Variants in GALM observed in about 807,000 individuals in gnomAD.
GALM encodes galactose mutarotase, also known as aldose 1-epimerase.
GALM carries 43 observed loss-of-function variants against 37.4 expected under a neutral mutation model. That is an observed-to-expected ratio of 1.15 (90% CI 0.90 to 1.48). The LOEUF (loss-of-function observed/expected upper bound fraction) is 1.48, where lower values mean the gene tolerates loss of function less well. Among genes scored for constraint, GALM ranks in the 40% most tolerant of loss-of-function variants. The probability of loss-of-function intolerance (pLI) is 0.00; values close to 1 mark genes in which losing one functional copy is unlikely to be tolerated. For synonymous variants in GALM, 199 were observed against 170.6 expected (o/e 1.17, Z -1.30); for missense variants, 456 against 419.1 (o/e 1.09, Z -0.77).
At chr2:38,724,462 T>C (rs775807915) in intron 4 of GALM, among the ~76,000 whole-genome samples, 1 of 152,168 alleles carries the variant, frequency 6.6e-6, no homozygotes. Flanking sequence ...GTGGTGGGCA[T>C]AGGGGACCCA....
intron 4 of GALM, among the ~76,000 whole-genome samples, chr2:38,693,794 T>C (rs1665737908): frequency 6.6e-6 from 1 of 152,088 alleles, no homozygotes; most frequent in Non-Finnish European, 1.5e-5. Context: ...AGTTAACAAG[T>C]TGGGGAAAGC....
At chr2:38,725,499 G>A (rs1022596835) in intron 4 of GALM, among the ~76,000 whole-genome samples, 2 of 151,530 alleles carry the variant, frequency 1.3e-5, no homozygotes, top group African/African-American at 4.8e-5. Context: ...TCATGCCACT[G>A]CACTACAGCC....
intron 4 of GALM, among the ~76,000 whole-genome samples, chr2:38,708,600 G>A (rs1666088847): frequency 6.6e-6 from 1 of 152,042 alleles, no homozygotes; most frequent in South Asian, 2.1e-4. Context: ...AATTAGCCAG[G>A]TATGGTGGCG....
rs1438731528 is a variant in GALM, at chr2:38,733,692, T to C, written c.*127T>C. On this transcript the variant is annotated 3_prime_UTR_variant, in exon 7 of 7. Transcript: ENST00000272252. ...ATTAAAATCATACAAATGGTGGCTG[T>C]TCTGAGAATCAGTCTGGGTATTGAT... The C allele has an allele frequency of 1.3e-6, 1 of 763,100 alleles. No individual in the cohort carries two copies. The highest frequency in any genetic ancestry group is 2.3e-6 in the Non-Finnish European group (1 of 430,914). 47.3% of individuals were successfully genotyped at this position (763,100 alleles called of 1,614,324 possible). A position where few individuals can be genotyped will look rare whatever the true frequency, so the allele number is the denominator to read the frequency against.
intron 1 of GALM, among the ~76,000 whole-genome samples, chr2:38,672,515 T>C (rs1665136070): frequency 6.6e-6 from 1 of 151,956 alleles, no homozygotes; most frequent in South Asian, 2.1e-4. Flanking sequence ...GTAAGGTTAA[T>C]AACCAGAAAG....
intron 6 of GALM, among the ~76,000 whole-genome samples, chr2:38,732,729 G>A (rs1427416258): frequency 6.6e-6 from 1 of 151,504 alleles, no homozygotes; most frequent in Non-Finnish European, 1.5e-5. Flanking sequence ...GGCTAACCTG[G>A]GCAACACAGG....
chr2:38,712,178 A>T (rs1189248904), intron 4 of GALM, among the ~76,000 whole-genome samples: 2 of 152,134 alleles, frequency 1.3e-5, no homozygotes, highest in Non-Finnish European at 2.9e-5. Context: ...TGGTTCTGTC[A>T]TCCCAAGTGT....
At chr2:38,675,725 C>T (rs373374172) in intron 1 of GALM, among the ~76,000 whole-genome samples, 187 bp from the exon 2 acceptor site, 15 of 151,260 alleles carry the variant, frequency 9.9e-5, no homozygotes, top group African/African-American at 2.9e-4. Flanking sequence ...CCGGCCACCA[C>T]GCCCAGCTAA....
rs561577871 is a variant in GALM, at chr2:38,680,216, C to T, written c.346-1064C>T. ...TTAAACTTTTTCATAGAGATGACAT[C>T]TCACTATGTTGCCCAGGCTGGTCTT... On this transcript the variant is annotated intron_variant, in intron 2 of 6. Coordinates refer to ENST00000272252, the MANE Select transcript of GALM (RefSeq NM_138801.3). The T allele has an allele frequency of 4.1e-5, 13 of 317,702 alleles. No homozygotes were observed. The Admixed American group carries it at 5.8e-4, about 14-fold the overall frequency. The allele number at this position is 317,702 out of a possible 1,614,324, so 19.7% of individuals were successfully genotyped here.
rs1403138268 is a variant in GALM, at chr2:38,708,516, C to T, written c.634+18622C>T. ...CAGCACTTTGGGAGGCCGAGGCGGGCGGATCATGAGGTCAGGAGAGCGAGA... is the reference window on the plus strand; with the variant it reads ...CAGCACTTTGGGAGGCCGAGGCGGGTGGATCATGAGGTCAGGAGAGCGAGA... On this transcript the variant is annotated intron_variant, in intron 4 of 6. Transcript: ENST00000272252. Among the ~76,000 whole-genome samples, 8 of 151,866 alleles carry T rather than the reference C, an allele frequency of 5.3e-5. No homozygotes were observed. The East Asian group carries it at 1.2e-3, about 22-fold the overall frequency.
At chr2:38,692,346 T>C (rs1420506694) in intron 4 of GALM, among the ~76,000 whole-genome samples, 2 of 152,186 alleles carry the variant, frequency 1.3e-5, no homozygotes, top group Non-Finnish European at 1.5e-5. Flanking sequence ...ACTTTAGGAA[T>C]GTAAGAATTC....
chr2:38,670,419 A>T (rs1435802417), intron 1 of GALM, among the ~76,000 whole-genome samples: 1 of 152,102 alleles, frequency 6.6e-6, no homozygotes, highest in African/African-American at 2.4e-5. Flanking sequence ...AGGGATGAGG[A>T]AAAAAAAGGA....
intron 4 of GALM, among the ~76,000 whole-genome samples, chr2:38,729,265 G>C (rs1666546308): frequency 3.3e-5 from 5 of 151,762 alleles, no homozygotes; most frequent in Admixed American, 3.3e-4. Flanking sequence ...ATGGTTCACT[G>C]TAGCCTCGAC....
In GALM at chr2:38,733,665, G is replaced by A; in HGVS notation, c.*100G>A. ...TAAGAAGCTTTCAGAATGATTCTAT[G>A]GATTAAAATCATACAAATGGTGGCT... is the stretch of plus-strand genomic sequence containing the variant. On this transcript the variant is annotated 3_prime_UTR_variant, in exon 7 of 7. Transcript: ENST00000272252. 3 of 894,566 alleles carry A rather than the reference G, an allele frequency of 3.4e-6. No homozygotes were observed. The highest frequency in any genetic ancestry group is 5.6e-6 in the Non-Finnish European group (3 of 532,458). The allele number at this position is 894,566 out of a possible 1,614,324, so 55.4% of individuals were successfully genotyped here.
intron 3 of GALM, among the ~76,000 whole-genome samples, chr2:38,685,169 G>A (rs2148431853): frequency 6.6e-6 from 1 of 152,302 alleles, no homozygotes; most frequent in Non-Finnish European, 1.5e-5. Flanking sequence ...GGCCAGAAGT[G>A]TGGCCTATGC....
intron 4 of GALM, among the ~76,000 whole-genome samples, chr2:38,717,486 G>A (rs899747612): frequency 6.0e-5 from 9 of 150,220 alleles, no homozygotes; most frequent in Admixed American, 1.3e-4. Context: ...TGCAACCTCC[G>A]CCTCCTGGAT....
chr2:38,733,774 G>A lies in GALM; in HGVS notation c.*209G>A. 1.8e-6 allele frequency: 1 copy of A among 558,236 alleles called. No individual in the cohort carries two copies. The highest frequency in any genetic ancestry group is 3.3e-6 in the Non-Finnish European group (1 of 306,140). 34.6% of individuals were successfully genotyped at this position (558,236 alleles called of 1,614,324 possible). ...TCTAATGACCAGCTCGATTCCCTGT[G>A]CAGTTCAGAGGGCAAGTGAACCCAA... On this transcript the variant is annotated 3_prime_UTR_variant, in exon 7 of 7. Coordinates refer to ENST00000272252, the MANE Select transcript of GALM (RefSeq NM_138801.3).
In GALM at chr2:38,728,184, A is replaced by C. The variant is rs937228448; in HGVS notation, c.635-1372A>C. On this transcript the variant is annotated intron_variant, in intron 4 of 6. Transcript: ENST00000272252. ...CAAGGCAGGTGGACCACCTGAGGTC[A>C]GGAGTTGGAGACTAGCCTGGCCAAC... Among the ~76,000 whole-genome samples, 7 of 152,324 alleles carry C rather than the reference A, an allele frequency of 4.6e-5. No homozygotes were observed. In the East Asian group the frequency reaches 1.4e-3, roughly 29 times the overall value.
intron 4 of GALM, among the ~76,000 whole-genome samples, chr2:38,726,216 A>ATT (rs375560759): frequency 1.6e-5 from 2 of 128,856 alleles, no homozygotes; most frequent in African/African-American, 6.6e-5. Context: ...AAGTGCCTTT[A>ATT]TTTTTTTTTT....
Sources: gnomAD v4.1 joint callset for allele counts (sites outside exome capture counted in the v4.1 genomes callset) on GRCh38, gnomAD v4.1.1 for gene constraint, MANE v1.5 for transcripts, NCBI Gene and HGNC (gene_info 2026-07-23, HGNC 2026-07-21) for gene names.